Variants in KDM3A observed in about 807,000 individuals in gnomAD.
KDM3A encodes the protein lysine-specific demethylase 3A.
Under a neutral mutation model 158.0 loss-of-function variants are expected in KDM3A, and 60 were observed. That is an observed-to-expected ratio of 0.38 (90% CI 0.31 to 0.47). KDM3A has a LOEUF of 0.47. Ranked by LOEUF, KDM3A falls within the 20% of genes least tolerant of loss-of-function variation. KDM3A has a pLI of 0.99. For missense variants in KDM3A, 1,319 were observed against 1,574.3 expected (o/e 0.84, Z 2.74); for synonymous variants, 608 against 549.3 (o/e 1.11, Z -1.49).
Position 86,474,849 on chromosome 2 carries a change from A to G in KDM3A, c.1798A>G (p.Ile600Val), listed in dbSNP as rs761555812. The change falls in exon 12 of 26, where the codon ATT (isoleucine) becomes GTT (valine). Residue 600 changes from isoleucine to valine, a missense_variant. By Grantham distance (29) the Ile-to-Val change is conservative (BLOSUM62 3). This residue lies in a region of KDM3A where 113 missense variants were observed against 190.5 expected (regional missense o/e 0.59). Coordinates refer to ENST00000312912, the MANE Select transcript of KDM3A (RefSeq NM_018433.6). ...LTPNKYDNEA[I>V]GLWLPLTKNV... The stretch of plus-strand genomic sequence containing the variant: ...ACCAAACAAGTATGACAATGAAGCA[A>G]TTGGCTTGTGGTTACCTTTAACCAA... 10 of 1,613,924 alleles carry G rather than the reference A, an allele frequency of 6.2e-6. No homozygotes were observed. In the South Asian group the frequency reaches 7.7e-5, roughly 12 times the overall value.
chr2:86,475,871 A>G (rs1673636323), intron 12 of KDM3A, among the ~76,000 whole-genome samples: 1 of 152,200 alleles, frequency 6.6e-6, no homozygotes, highest in Non-Finnish European at 1.5e-5. Context: ...ACCAGCAACT[A>G]ACAACCTAGC....
chr2:86,450,084 C>A, intron 3 of KDM3A, 122 bp downstream of exon 3: 3 of 1,071,642 alleles, frequency 2.8e-6, no homozygotes, highest in South Asian at 1.6e-5. Flanking sequence ...CTCCTGCCAG[C>A]CCTTTTAAGA....
At chr2:86,488,370 TTA>T (rs897389254) in intron 21 of KDM3A, 14 of 152,184 alleles carry the variant, frequency 9.2e-5, no homozygotes, top group African/African-American at 2.6e-4. Context: ...TCTTCTCTCT[TTA>T]TGTTTTTTCA....
intron 8 of KDM3A, among the ~76,000 whole-genome samples, chr2:86,462,335 T>C (rs1047412683): frequency 1.3e-5 from 2 of 152,060 alleles, no homozygotes; most frequent in African/African-American, 4.8e-5. Flanking sequence ...TCTAAACATA[T>C]TCAGAATAAG....
rs140478791 is a variant in KDM3A at position 86,464,041 on chromosome 2, G to T, written c.844-12G>T. On this transcript the variant is annotated splice_polypyrimidine_tract_variant and intron_variant, in intron 8 of 25. Transcript: ENST00000312912. Reference sequence around the variant, plus strand: ...ACTTCCTTTTAATATCTGTTGGTTTGGTATCTTCTAGGCCTCTCCCAGTAT... The same window carrying T: ...ACTTCCTTTTAATATCTGTTGGTTTTGTATCTTCTAGGCCTCTCCCAGTAT... 133 of 1,499,574 alleles carry T rather than the reference G, an allele frequency of 8.9e-5. No individual in the cohort carries two copies. The East Asian group carries it at 3.0e-3, about 34-fold the overall frequency. The allele number at this position is 1,499,574 out of a possible 1,614,324, so 92.9% of individuals were successfully genotyped here.
chr2:86,480,119 C>A, intron 15 of KDM3A, 48 bp from the exon 16 acceptor site: 1 of 1,393,350 alleles, frequency 7.2e-7, no homozygotes, highest in Non-Finnish European at 1.0e-6. Flanking sequence ...GAAAAGGAAG[C>A]TGTCATTCTT....
intron 10 of KDM3A, among the ~76,000 whole-genome samples, chr2:86,469,282 C>T (rs1295591317): frequency 6.6e-6 from 1 of 152,290 alleles, no homozygotes; most frequent in East Asian, 1.9e-4. Flanking sequence ...TCACCTCTCC[C>T]ACCCATCTCT....
intron 17 of KDM3A, 108 bp downstream of exon 17, chr2:86,482,210 C>G (rs1372455270): frequency 3.1e-6 from 4 of 1,307,650 alleles, no homozygotes; most frequent in Admixed American, 2.0e-5. Context: ...CACATACTTA[C>G]CTTTGTGGGT....
intron 8 of KDM3A, among the ~76,000 whole-genome samples, chr2:86,459,769 C>CT (rs1180870408): frequency 6.6e-6 from 1 of 152,204 alleles, no homozygotes; most frequent in Non-Finnish European, 1.5e-5. Flanking sequence ...AGAAGCATTA[C>CT]TTTTTTATCT....
intron 8 of KDM3A, among the ~76,000 whole-genome samples, chr2:86,460,174 C>T (rs951940907): frequency 2.6e-5 from 4 of 152,200 alleles, no homozygotes; most frequent in African/African-American, 9.6e-5. Flanking sequence ...TAAGGAAATA[C>T]TTTCCTTCTG....
intron 11 of KDM3A, among the ~76,000 whole-genome samples, chr2:86,473,859 C>T (rs532119724): frequency 6.6e-6 from 1 of 152,196 alleles, no homozygotes; most frequent in African/African-American, 2.4e-5. Flanking sequence ...AACAAATGTT[C>T]TGCCCTTTGT....
intron 10 of KDM3A, among the ~76,000 whole-genome samples, chr2:86,468,843 A>G (rs1673274554): frequency 6.6e-6 from 1 of 152,182 alleles, no homozygotes; most frequent in Non-Finnish European, 1.5e-5. Flanking sequence ...GAATTCAGAG[A>G]ATCACTGATG....
chr2:86,491,311 A>G lies in KDM3A; in HGVS notation c.3885+36A>G, dbSNP rs750313630. On this transcript the variant is annotated intron_variant, in intron 25 of 25. Coordinates refer to ENST00000312912, the MANE Select transcript of KDM3A (RefSeq NM_018433.6). ...CACCAATTCCTAGCATTCTTTGGCT[A>G]TGGCTATGGCTTCATGGCCCATTCT... 2.2e-5 allele frequency: 35 copies of G among 1,604,252 alleles called. No individual in the cohort carries two copies. The South Asian group carries it at 2.9e-4, about 13-fold the overall frequency.
At chr2:86,475,268 G>A (rs955837856) in intron 12 of KDM3A, among the ~76,000 whole-genome samples, 4 of 152,104 alleles carry the variant, frequency 2.6e-5, no homozygotes, top group African/African-American at 9.7e-5. Context: ...AGCAGTGCAG[G>A]CACACTAAAA....
At chr2:86,451,287 T>C in intron 4 of KDM3A, 74 bp downstream of exon 4, 1 of 930,734 alleles carries the variant, frequency 1.1e-6, no homozygotes, top group South Asian at 1.7e-5. Flanking sequence ...TAAAGTACAG[T>C]TGAACCTTAA....
At chr2:86,462,662 C>T (rs1191773139) in intron 8 of KDM3A, among the ~76,000 whole-genome samples, 1 of 152,190 alleles carries the variant, frequency 6.6e-6, no homozygotes, top group Non-Finnish European at 1.5e-5. Context: ...TATGCCAAAA[C>T]TTTGCCAGTG....
At chr2:86,489,176 T>C (rs1225828562) in intron 21 of KDM3A, 142 bp from the exon 22 acceptor site, 1 of 955,782 alleles carries the variant, frequency 1.0e-6, no homozygotes, top group African/African-American at 1.6e-5. Flanking sequence ...GGTTAAAGAA[T>C]TTTTTTGCAA....
At chr2:86,481,777 AGTAAAT>A (rs1237879659) in intron 16 of KDM3A, among the ~76,000 whole-genome samples, 147 bp from the exon 17 acceptor site, 7 of 152,254 alleles carry the variant, frequency 4.6e-5, no homozygotes, top group Admixed American at 6.5e-5. Context: ...GAATCGTCTA[AGTAAAT>A]CATATCATTC....
In KDM3A at chr2:86,455,094, A is replaced by G; in HGVS notation, c.463A>G (p.Ser155Gly). The G allele has an allele frequency of 6.3e-7, 1 of 1,576,824 alleles. No individual in the cohort carries two copies. The highest frequency in any genetic ancestry group is 8.6e-7 in the Non-Finnish European group (1 of 1,159,224). The change falls in exon 5 of 26, where the codon AGT becomes GGT. Residue 155 changes from serine to glycine, a missense_variant. Physicochemically the swap from Ser to Gly is moderately conservative, Grantham distance 56. This residue lies in a region of KDM3A where 652 missense variants were observed against 627.2 expected (regional missense o/e 1.04). Transcript: ENST00000312912. ...DLLKPIQDVNSLRLSLTDNQI... is the reference protein window; with the variant it reads ...DLLKPIQDVNGLRLSLTDNQI... ...ATCTTTCATTTTTCAGGATGTAAAC[A>G]GTCTTCGACTTTCTCTTACGGATAA...
Sources: gnomAD v4.1 joint callset for allele counts (sites outside exome capture counted in the v4.1 genomes callset) on GRCh38, gnomAD v4.1.1 for gene constraint, gnomAD v4.1.1 regional missense constraint, MANE v1.5 for transcripts, NCBI Gene and HGNC (gene_info 2026-07-23, HGNC 2026-07-21) for gene names.